Variants in ANKS1B observed in about 807,000 individuals in gnomAD.
ANKS1B encodes the protein ankyrin repeat and sterile alpha motif domain containing 1B, also known as ankyrin repeat and sterile alpha motif domain-containing protein 1B.
In ANKS1B, 36 loss-of-function variants were observed where a neutral mutation model predicts 148.3. The ratio of observed to expected loss-of-function variants is 0.24; its 90% confidence interval spans 0.19 to 0.32. The LOEUF (loss-of-function observed/expected upper bound fraction) is 0.32, where lower values mean the gene tolerates loss of function less well. ANKS1B is among the 10% of genes least tolerant of loss of function. The probability of loss-of-function intolerance (pLI) is 1.00; values close to 1 mark genes in which losing one functional copy is unlikely to be tolerated. For missense variants in ANKS1B, 1,157 were observed against 1,542.6 expected (o/e 0.75, Z 4.19); for synonymous variants, 542 against 560.8 (o/e 0.97, Z 0.47).
At chr12:98,833,582 A>AT (rs2099344151) in intron 17 of ANKS1B, among the ~76,000 whole-genome samples, 2 of 7,282 alleles carry the variant, frequency 2.7e-4, no homozygotes, top group Non-Finnish European at 5.4e-4. Flanking sequence ...TGATACCTTG[A>AT]ATTTTTTTTA....
chr12:99,216,068 T>C (rs553450071), intron 14 of ANKS1B, among the ~76,000 whole-genome samples: 2 of 152,302 alleles, frequency 1.3e-5, no homozygotes, highest in Non-Finnish European at 2.9e-5. Flanking sequence ...GTTCTCATGA[T>C]AGTGAATAAG....
intron 10 of ANKS1B, among the ~76,000 whole-genome samples, chr12:99,487,339 A>G (rs931972658): frequency 2.6e-5 from 4 of 152,198 alleles, no homozygotes; most frequent in African/African-American, 9.6e-5. Flanking sequence ...AAGTTTTGTT[A>G]GACAACAAAC....
rs149249653 is a variant in ANKS1B at position 99,787,323 on chromosome 12, C to T, written c.670-5226G>A. 4.9e-3 allele frequency among the ~76,000 whole-genome samples: 746 copies of T among 152,264 alleles called. 6 individuals carry two copies. The highest frequency in any genetic ancestry group is 0.017 in the African/African-American group (701 of 41,552). On this transcript the variant is annotated intron_variant, in intron 4 of 26. Coordinates refer to ENST00000683438, the MANE Select transcript of ANKS1B (RefSeq NM_001352186.2). ...TTATAAGGAGCTTTTCCTCCTTTGG[C>T]TCGGCACTTCCTCTTGCCTGCCACC...
intron 8 of ANKS1B, among the ~76,000 whole-genome samples, chr12:99,706,970 T>C (rs1239431713): frequency 6.6e-6 from 1 of 152,072 alleles, no homozygotes; most frequent in Non-Finnish European, 1.5e-5. Context: ...ACACCTTGAT[T>C]CTAGTCTTGT....
At chr12:99,025,846 G>T (rs971853428) in intron 17 of ANKS1B, among the ~76,000 whole-genome samples, 2 of 152,190 alleles carry the variant, frequency 1.3e-5, no homozygotes, top group Non-Finnish European at 2.9e-5. Context: ...TGTGGGTCTA[G>T]GTGCTTCTCA....
At chr12:98,774,472 A>C (rs1275112378) in intron 24 of ANKS1B, among the ~76,000 whole-genome samples, 2 of 152,248 alleles carry the variant, frequency 1.3e-5, no homozygotes, top group Non-Finnish European at 2.9e-5. Context: ...AAACCCTGCT[A>C]GAAACTTCTT....
At chr12:99,693,882 G>T (rs545821817) in intron 8 of ANKS1B, among the ~76,000 whole-genome samples, 1 of 149,952 alleles carries the variant, frequency 6.7e-6, no homozygotes, top group South Asian at 2.1e-4. Context: ...CCGGGTTCAC[G>T]CCATTCTCCT....
rs1385209503 is a variant in ANKS1B, at chr12:99,828,787, T to G, written c.135-3398A>C. 5.3e-5 allele frequency among the ~76,000 whole-genome samples: 8 copies of G among 151,900 alleles called. No homozygotes were observed. In the East Asian group the frequency reaches 1.5e-3, roughly 29 times the overall value. ...CTTTGAAAGGCTGAAGTGGGCAGAT[T>G]ACCTGGTCAACATAGTGAAACTCCA... On this transcript the variant is annotated intron_variant, in intron 1 of 26. Transcript: ENST00000683438.
At chr12:99,463,830 G>C (rs1354360635) in intron 10 of ANKS1B, among the ~76,000 whole-genome samples, 1 of 152,194 alleles carries the variant, frequency 6.6e-6, no homozygotes, top group African/African-American at 2.4e-5. Flanking sequence ...AAGGAGGCCT[G>C]CCTGCCTCTG....
chr12:99,624,254 C>G (rs1179202976), intron 9 of ANKS1B, among the ~76,000 whole-genome samples: 1 of 151,942 alleles, frequency 6.6e-6, no homozygotes, highest in Non-Finnish European at 1.5e-5. Context: ...CAAATTAACC[C>G]AAAATGGATT....
chr12:99,862,697 T>C (rs2090191026), intron 1 of ANKS1B, among the ~76,000 whole-genome samples: 1 of 152,218 alleles, frequency 6.6e-6, no homozygotes, highest in South Asian at 2.1e-4. Flanking sequence ...CACAAATTAT[T>C]ATAATGTATT....
rs542487257 is a variant in ANKS1B, at chr12:99,687,024, G to A, written c.1129-31814C>T. Among the ~76,000 whole-genome samples, 6 of 152,234 alleles carry A rather than the reference G, an allele frequency of 3.9e-5. No individual in the cohort carries two copies. In the East Asian group the frequency reaches 1.2e-3, roughly 29 times the overall value. On this transcript the variant is annotated intron_variant, in intron 8 of 26. Coordinates refer to ENST00000683438, the MANE Select transcript of ANKS1B (RefSeq NM_001352186.2). ...CCTTTAATCTTTCTATGAGAAAGAT[G>A]TGTTTACAGTGAATTCTGTCTGTGT...
At chr12:99,570,970 A>AT (rs955504835) in intron 9 of ANKS1B, among the ~76,000 whole-genome samples, 10 of 151,988 alleles carry the variant, frequency 6.6e-5, no homozygotes, top group South Asian at 2.1e-4. Flanking sequence ...TCCGAAATTT[A>AT]TTTTTTTTAA....
chr12:98,787,233 G>A (rs1343853068), intron 22 of ANKS1B, among the ~76,000 whole-genome samples: 1 of 152,170 alleles, frequency 6.6e-6, no homozygotes, highest in Non-Finnish European at 1.5e-5. Context: ...ACACCAATCA[G>A]CAATTTGAAA....
intron 10 of ANKS1B, among the ~76,000 whole-genome samples, chr12:99,462,156 C>A (rs151021301): frequency 8.3e-4 from 127 of 152,336 alleles, no homozygotes; most frequent in African/African-American, 3.0e-3. Context: ...GATTCAACTT[C>A]AGATATAAAA....
At chr12:99,654,779 T>C (rs1277837371) in intron 9 of ANKS1B, among the ~76,000 whole-genome samples, 4 of 152,244 alleles carry the variant, frequency 2.6e-5, no homozygotes, top group African/African-American at 4.8e-5. Context: ...TAAACTGATA[T>C]ATTTCTGGAT....
intron 12 of ANKS1B, among the ~76,000 whole-genome samples, chr12:99,311,501 A>C (rs1165450993): frequency 6.6e-6 from 1 of 152,172 alleles, no homozygotes; most frequent in Non-Finnish European, 1.5e-5. Context: ...AGATTGATGA[A>C]ACAAGTATCA....
At chr12:99,866,938 G>A (rs919993132) in intron 1 of ANKS1B, among the ~76,000 whole-genome samples, 1 of 151,976 alleles carries the variant, frequency 6.6e-6, no homozygotes, top group African/African-American at 2.4e-5. Context: ...CATTGCAAGG[G>A]GTTCAGGGAA....
Position 99,852,893 on chromosome 12 carries a change from G to A in ANKS1B, c.135-27504C>T, listed in dbSNP as rs7304235. ...GGGAGGGCACAGTGTGAGTGAGACT[G>A]GCCTTTCAGGCTGTGAGTTGCGGGG... On this transcript the variant is annotated intron_variant, in intron 1 of 26. Coordinates refer to ENST00000683438, the MANE Select transcript of ANKS1B (RefSeq NM_001352186.2). 1.9e-3 allele frequency among the ~76,000 whole-genome samples: 295 copies of A among 152,296 alleles called. 1 individual carries two copies. The highest frequency in any genetic ancestry group is 6.9e-3 in the African/African-American group (286 of 41,560).
Sources: allele counts gnomAD v4.1 joint callset (sites outside exome capture counted in the v4.1 genomes callset), GRCh38; gene constraint gnomAD v4.1.1; transcripts MANE v1.5; gene names NCBI Gene and HGNC (gene_info 2026-07-23, HGNC 2026-07-21).